Variants in TAX1BP1 observed in about 807,000 individuals in gnomAD.
The protein encoded by TAX1BP1 is Tax1 binding protein 1.
Under a neutral mutation model 97.7 loss-of-function variants are expected in TAX1BP1, and 62 were observed. The observed-to-expected ratio is 0.63, with a 90% CI of 0.52 to 0.78. The LOEUF is 0.78. TAX1BP1 is among the 30% of genes least tolerant of loss of function. The probability of loss-of-function intolerance (pLI) is 0.00; values close to 1 mark genes in which losing one functional copy is unlikely to be tolerated. For missense variants in TAX1BP1, 867 were observed against 916.1 expected (o/e 0.95, Z 0.69); for synonymous variants, 340 against 304.2 (o/e 1.12, Z -1.23).
chr7:27,794,337 T>TA lies in TAX1BP1; in HGVS notation c.1425_1426insA (p.Val476SerfsTer14). On this transcript the variant is annotated frameshift_variant, in exon 11 of 17. Transcript: ENST00000396319. LOFTEE classifies it high-confidence loss of function. ...ATTTTGAATAGGCTAATAATAATAA[T>TA]GTCTTCACAAAGAAAACGGGGAATC... 1.2e-6 allele frequency: 2 copies of TA among 1,611,988 alleles called. No individual in the cohort carries two copies. Among genetic ancestry groups the TA allele is most frequent in the Non-Finnish European group, 1.7e-6 (2 of 1,178,716 alleles).
chr7:27,752,600 A>G (rs1429659812), intron 2 of TAX1BP1, among the ~76,000 whole-genome samples: 1 of 152,172 alleles, frequency 6.6e-6, no homozygotes, highest in Non-Finnish European at 1.5e-5. Context: ...TAGGGAAATG[A>G]GTGAAGCCAA....
At chr7:27,801,578 G>A (rs1012081851) in intron 13 of TAX1BP1, among the ~76,000 whole-genome samples, 7 of 152,044 alleles carry the variant, frequency 4.6e-5, no homozygotes, top group South Asian at 2.1e-4. Flanking sequence ...TTATGTGGGC[G>A]ATCACATAAG....
At chr7:27,790,661 A>G (rs1789669099) in intron 8 of TAX1BP1, among the ~76,000 whole-genome samples, 1 of 152,062 alleles carries the variant, frequency 6.6e-6, no homozygotes, top group South Asian at 2.1e-4. Flanking sequence ...AGCTAAACCT[A>G]TGTCTATACC....
intron 5 of TAX1BP1, among the ~76,000 whole-genome samples, chr7:27,777,859 A>G (rs1342181746): frequency 6.6e-6 from 1 of 152,178 alleles, no homozygotes; most frequent in Non-Finnish European, 1.5e-5. Context: ...CTGACCTTTT[A>G]TCCTGATGTC....
intron 3 of TAX1BP1, among the ~76,000 whole-genome samples, chr7:27,760,630 G>C (rs1227258228): frequency 6.6e-6 from 1 of 152,028 alleles, no homozygotes; most frequent in African/African-American, 2.4e-5. Context: ...TCCTGACCTT[G>C]TGATCCGCCC....
chr7:27,800,193 TGATA>T, intron 13 of TAX1BP1, 103 bp downstream of exon 13: 1 of 1,089,430 alleles, frequency 9.2e-7, no homozygotes, highest in Non-Finnish European at 1.2e-6. Flanking sequence ...TATGGATAAT[TGATA>T]GTTTTTTCTA....
chr7:27,822,035 G>A (rs1336806654), intron 15 of TAX1BP1, among the ~76,000 whole-genome samples: 1 of 152,076 alleles, frequency 6.6e-6, no homozygotes, highest in African/African-American at 2.4e-5. Flanking sequence ...TGTTTGTTTG[G>A]GTGGTTAGAT....
chr7:27,785,977 T>C (rs975805349), intron 7 of TAX1BP1, among the ~76,000 whole-genome samples: 3 of 152,180 alleles, frequency 2.0e-5, no homozygotes, highest in African/African-American at 7.2e-5. Flanking sequence ...GTAACTATTT[T>C]TCCTTTTTAA....
chr7:27,811,297 G>T (rs1038379681), intron 13 of TAX1BP1, among the ~76,000 whole-genome samples: 3 of 152,178 alleles, frequency 2.0e-5, no homozygotes, highest in African/African-American at 7.2e-5. Flanking sequence ...ATATGTGGAC[G>T]TGTATGTTAT....
chr7:27,787,727 T>C (rs1363289585), intron 8 of TAX1BP1, 124 bp downstream of exon 8: 2 of 889,022 alleles, frequency 2.2e-6, no homozygotes, highest in East Asian at 2.8e-5. Flanking sequence ...TACAAAACAG[T>C]TGGAAGAACA....
intron 5 of TAX1BP1, among the ~76,000 whole-genome samples, chr7:27,776,427 C>T (rs1379610480): frequency 6.6e-6 from 1 of 151,960 alleles, no homozygotes; most frequent in African/African-American, 2.4e-5. Flanking sequence ...GTATAGAATT[C>T]TAGATAGATA....
At chr7:27,760,125 A>T (rs1583675698) in intron 3 of TAX1BP1, among the ~76,000 whole-genome samples, 1 of 152,224 alleles carries the variant, frequency 6.6e-6, no homozygotes, top group Admixed American at 6.5e-5. Context: ...AAGTGCTGGG[A>T]TTACAAGTGT....
chr7:27,757,682 A>T (rs1161359376), intron 2 of TAX1BP1, among the ~76,000 whole-genome samples: 1 of 152,126 alleles, frequency 6.6e-6, no homozygotes, highest in Non-Finnish European at 1.5e-5. Flanking sequence ...TCAATAAAAA[A>T]TAAATAACAA....
intron 1 of TAX1BP1, among the ~76,000 whole-genome samples, chr7:27,747,135 A>G (rs1419844747): frequency 6.6e-6 from 1 of 152,182 alleles, no homozygotes; most frequent in Non-Finnish European, 1.5e-5. Context: ...TTTCCCCATT[A>G]TTACAGAGAT....
rs1013009707 is a variant in TAX1BP1, at chr7:27,808,531, A to G, written c.1765-7818A>G. On this transcript the variant is annotated intron_variant, in intron 13 of 16. Transcript: ENST00000396319. ...TAAAATTTACATATTTAGTTGTCCT[A>G]TGGTGTACTCTCCGCGCTCCTTTAC... Among the ~76,000 whole-genome samples, 7 of 152,210 alleles carry G rather than the reference A, an allele frequency of 4.6e-5. 1 individual carries two copies. The highest frequency in any genetic ancestry group is 6.8e-3 in the Middle Eastern group (2 of 292).
chr7:27,753,177 G>A (rs943620580), intron 2 of TAX1BP1, among the ~76,000 whole-genome samples: 1 of 152,184 alleles, frequency 6.6e-6, no homozygotes, highest in African/African-American at 2.4e-5. Context: ...GTGCATGCTG[G>A]TAGTCCCAGC....
chr7:27,804,224 A>G (rs1790250752), intron 13 of TAX1BP1, among the ~76,000 whole-genome samples: 3 of 152,318 alleles, frequency 2.0e-5, no homozygotes, highest in African/African-American at 7.2e-5. Context: ...AGTTTTCCAA[A>G]TGACCAGCGA....
chr7:27,812,856 A>G (rs1790610713), intron 13 of TAX1BP1, among the ~76,000 whole-genome samples: 1 of 152,188 alleles, frequency 6.6e-6, no homozygotes, highest in African/African-American at 2.4e-5. Flanking sequence ...TCAGCAAACT[A>G]AGGCCTATAT....
At chr7:27,827,109 T>A (rs1791204502) in intron 15 of TAX1BP1, among the ~76,000 whole-genome samples, 1 of 152,230 alleles carries the variant, frequency 6.6e-6, no homozygotes, top group Non-Finnish European at 1.5e-5. Context: ...CCCGGCACTT[T>A]GAGAGACCAA....
Sources: allele counts gnomAD v4.1 joint callset (sites outside exome capture counted in the v4.1 genomes callset), GRCh38; gene constraint gnomAD v4.1.1; transcripts MANE v1.5; gene names NCBI Gene and HGNC (gene_info 2026-07-23, HGNC 2026-07-21).